DOCK4: variants seen among roughly 807,000 people sequenced by gnomAD.
DOCK4 encodes the protein dedicator of cytokinesis protein 4.
DOCK4 carries 97 observed loss-of-function variants against 268.1 expected under a neutral mutation model. The observed-to-expected ratio is 0.36, with a 90% confidence interval of 0.31 to 0.43. DOCK4 has a LOEUF of 0.43. DOCK4 is among the 20% of genes least tolerant of loss of function. The probability of loss-of-function intolerance (pLI) is 1.00; values close to 1 mark genes in which losing one functional copy is unlikely to be tolerated. For missense variants in DOCK4, 2,145 were observed against 2,455.7 expected (o/e 0.87, Z 2.67); for synonymous variants, 954 against 887.2 (o/e 1.08, Z -1.34).
chr7:111,738,167 C>T (rs12705797), intron 49 of DOCK4, among the ~76,000 whole-genome samples: 140,786 of 152,290 alleles, frequency 0.92, 65,240 homozygotes, highest in East Asian at 0.97. Context: ...TTCAAGGCTC[C>T]TGAAGTGCCC....
intron 1 of DOCK4, among the ~76,000 whole-genome samples, chr7:112,012,034 G>A (rs1479703653): frequency 6.6e-6 from 1 of 151,760 alleles, no homozygotes; most frequent in Non-Finnish European, 1.5e-5. Context: ...GACACCCCCT[G>A]CCTGGCCTAC....
chr7:111,984,424 G>A (rs1351594542), intron 6 of DOCK4, 34 bp from the exon 7 acceptor site: 1 of 1,569,326 alleles, frequency 6.4e-7, no homozygotes, highest in East Asian at 2.3e-5. Context: ...TGGGGGAAAA[G>A]TTACCTCCAT....
intron 1 of DOCK4, among the ~76,000 whole-genome samples, chr7:112,020,736 G>C (rs489916): frequency 0.21 from 31,118 of 148,760 alleles, 3,738 homozygotes; most frequent in East Asian, 0.51. Flanking sequence ...GTGAACTAAA[G>C]CTGGGCTTTT....
chr7:111,842,745 C>G (rs561890367), intron 25 of DOCK4, among the ~76,000 whole-genome samples: 1 of 152,296 alleles, frequency 6.6e-6, no homozygotes, highest in South Asian at 2.1e-4. Flanking sequence ...CATGGCCCAG[C>G]AGTAACAAAG....
At chr7:111,962,038 G>A (rs1796941780) in intron 8 of DOCK4, among the ~76,000 whole-genome samples, 1 of 151,900 alleles carries the variant, frequency 6.6e-6, no homozygotes, top group Admixed American at 6.6e-5. Context: ...AAGAAATTTT[G>A]TCATATTTTC....
At chr7:112,096,744 C>G (rs1810177765) in intron 1 of DOCK4, among the ~76,000 whole-genome samples, 1 of 152,094 alleles carries the variant, frequency 6.6e-6, no homozygotes, top group Admixed American at 6.5e-5. Flanking sequence ...GCTGCCCAGA[C>G]CCAAAGACCA....
At chr7:111,908,893 G>T (rs1170082433) in intron 13 of DOCK4, among the ~76,000 whole-genome samples, 1 of 152,094 alleles carries the variant, frequency 6.6e-6, no homozygotes, top group African/African-American at 2.4e-5. Context: ...AGTATTCCAT[G>T]GTGTATATGT....
intron 7 of DOCK4, among the ~76,000 whole-genome samples, chr7:111,983,862 G>GCGCGCGCA: frequency 1.4e-4 from 20 of 138,642 alleles, no homozygotes; most frequent in African/African-American, 3.9e-4. Context: ...GCGCGCGCGC[G>GCGCGCGCA]CACACACACA....
At chr7:111,859,574 T>A (rs550990675) in intron 23 of DOCK4, among the ~76,000 whole-genome samples, 29 of 145,124 alleles carry the variant, frequency 2.0e-4, no homozygotes, top group Non-Finnish European at 1.5e-5. Flanking sequence ...TTTTTTTTTT[T>A]TTTTTTTTTT....
chr7:111,940,387 G>A (rs1304456180), intron 10 of DOCK4, 145 bp from the exon 11 acceptor site: 3 of 1,067,428 alleles, frequency 2.8e-6, no homozygotes, highest in East Asian at 2.4e-5. Context: ...AGAAGATATT[G>A]CTTCAGTTCT....
At chr7:111,909,196 A>G (rs1216133388) in intron 13 of DOCK4, among the ~76,000 whole-genome samples, 2 of 152,160 alleles carry the variant, frequency 1.3e-5, no homozygotes, top group Non-Finnish European at 2.9e-5. Flanking sequence ...ACTTACTAAT[A>G]ATCGCCCATT....
chr7:111,893,226 T>C (rs909593806), intron 16 of DOCK4, among the ~76,000 whole-genome samples: 2 of 152,200 alleles, frequency 1.3e-5, no homozygotes, highest in Admixed American at 6.5e-5. Flanking sequence ...AATGTTCACA[T>C]GGAGAAGCGA....
At chr7:112,112,742 T>C (rs2115725888) in intron 1 of DOCK4, among the ~76,000 whole-genome samples, 1 of 152,196 alleles carries the variant, frequency 6.6e-6, no homozygotes, top group South Asian at 2.1e-4. Context: ...TTACCCAGCC[T>C]CAGGTATTTC....
chr7:111,916,980 G>GTTTTTTTTTTTTTTTT (rs749349556), intron 12 of DOCK4, among the ~76,000 whole-genome samples: 3 of 83,976 alleles, frequency 3.6e-5, no homozygotes, highest in African/African-American at 5.2e-5. Context: ...TTTCCCCCAT[G>GTTTTTTTTTTTTTTTT]TTTTTTTTTT....
intron 26 of DOCK4, among the ~76,000 whole-genome samples, chr7:111,834,361 C>T (rs1803072941): frequency 6.6e-6 from 1 of 152,168 alleles, no homozygotes; most frequent in Non-Finnish European, 1.5e-5. Context: ...AGGTACTTCA[C>T]ATCCTATATC....
intron 30 of DOCK4, among the ~76,000 whole-genome samples, chr7:111,801,433 G>A (rs1460803127): frequency 1.3e-5 from 2 of 152,142 alleles, no homozygotes; most frequent in African/African-American, 4.8e-5. Context: ...ATGTGTGCGT[G>A]TCCTTTTATC....
At chr7:111,885,992 C>T (rs1471793746) in intron 16 of DOCK4, among the ~76,000 whole-genome samples, 2 of 152,174 alleles carry the variant, frequency 1.3e-5, no homozygotes, top group African/African-American at 4.8e-5. Context: ...TTTTTGACTA[C>T]TGTCTTAGAT....
At chr7:112,022,792 A>G (rs753005428) in intron 1 of DOCK4, among the ~76,000 whole-genome samples, 9 of 152,210 alleles carry the variant, frequency 5.9e-5, no homozygotes, top group Non-Finnish European at 8.8e-5. Flanking sequence ...TGTTTCCCTG[A>G]TGAAATGCTT....
At chr7:112,201,967 C>A (rs187356939) in intron 1 of DOCK4, among the ~76,000 whole-genome samples, 34 of 152,328 alleles carry the variant, frequency 2.2e-4, no homozygotes, top group Admixed American at 2.2e-3. Context: ...GCCAGACTTA[C>A]ACTTACTTCA....
Sources: gnomAD v4.1 joint callset for allele counts (sites outside exome capture counted in the v4.1 genomes callset) on GRCh38, gnomAD v4.1.1 for gene constraint, MANE v1.5 for transcripts, NCBI Gene and HGNC (gene_info 2026-07-23, HGNC 2026-07-21) for gene names.